NXPH1: variants seen among roughly 807,000 people sequenced by gnomAD.
The protein encoded by NXPH1 is neurexophilin-1.
A neutral mutation model predicts 23.7 loss-of-function variants in NXPH1; 5 were observed. The observed-to-expected ratio is 0.21, with a 90% CI of 0.11 to 0.44. NXPH1 has a LOEUF of 0.44. Ranked by LOEUF, NXPH1 falls within the 20% of genes least tolerant of loss-of-function variation. The pLI is 0.99. For synonymous variants in NXPH1, 144 were observed against 122.2 expected, an observed-to-expected ratio of 1.18 and a Z score of -1.18; for missense variants, 324 against 321.6, an observed-to-expected ratio of 1.01 and a Z score of -0.06.
intron 2 of NXPH1, among the ~76,000 whole-genome samples, chr7:8,670,199 T>A (rs187981159): frequency 6.6e-6 from 1 of 152,302 alleles, no homozygotes; most frequent in South Asian, 2.1e-4. Context: ...TTGTTCTGAC[T>A]TTTTATTCCT....
chr7:8,450,698 T>G (rs1000885853), intron 2 of NXPH1, among the ~76,000 whole-genome samples: 1 of 152,274 alleles, frequency 6.6e-6, no homozygotes, highest in African/African-American at 2.4e-5. Context: ...ATGTTCCATT[T>G]TGCAGCAGTA....
chr7:8,671,349 G>A lies in NXPH1; in HGVS notation c.55-79659G>A, dbSNP rs553893432. ...CTTTCTTGGACAGATAGGTTCCTGA[G>A]CATTCTAAAAACACTCTTTTTGATT... is the stretch of plus-strand genomic sequence containing the variant. On this transcript the variant is annotated intron_variant, in intron 2 of 2. Transcript: ENST00000405863. Among the ~76,000 whole-genome samples, 4 of 152,250 alleles carry A rather than the reference G, an allele frequency of 2.6e-5. No homozygotes were observed. In the South Asian group the frequency reaches 8.3e-4, roughly 32 times the overall value.
At chr7:8,608,387 G>A (rs1343963124) in intron 2 of NXPH1, among the ~76,000 whole-genome samples, 1 of 151,232 alleles carries the variant, frequency 6.6e-6, no homozygotes, top group Non-Finnish European at 1.5e-5. Flanking sequence ...CAGTGCAGTG[G>A]AGTGGTCACA....
chr7:8,663,478 T>C (rs551910147), intron 2 of NXPH1, among the ~76,000 whole-genome samples: 1 of 152,200 alleles, frequency 6.6e-6, no homozygotes, highest in African/African-American at 2.4e-5. Context: ...CTTGCGGCAT[T>C]TTCATCTAAA....
intron 2 of NXPH1, among the ~76,000 whole-genome samples, chr7:8,531,947 C>T (rs554096859): frequency 2.0e-4 from 31 of 152,256 alleles, no homozygotes; most frequent in African/African-American, 7.2e-4. Context: ...TCTGATCCTT[C>T]GTCTCCTTAG....
At chr7:8,563,851 C>G (rs1237841572) in intron 2 of NXPH1, among the ~76,000 whole-genome samples, 1 of 151,726 alleles carries the variant, frequency 6.6e-6, no homozygotes, top group Non-Finnish European at 1.5e-5. Flanking sequence ...AACCATAAAC[C>G]CTGGAGGGAG....
intron 2 of NXPH1, among the ~76,000 whole-genome samples, chr7:8,501,090 A>T (rs1354157087): frequency 6.6e-6 from 1 of 152,042 alleles, no homozygotes; most frequent in African/African-American, 2.4e-5. Flanking sequence ...TCTTCAGCAT[A>T]GTTTTGGTTT....
intron 2 of NXPH1, among the ~76,000 whole-genome samples, chr7:8,497,320 A>T (rs971233553): frequency 6.6e-6 from 1 of 152,182 alleles, no homozygotes; most frequent in Non-Finnish European, 1.5e-5. Context: ...AGCAATAAAC[A>T]TACGTGTACA....
intron 2 of NXPH1, among the ~76,000 whole-genome samples, chr7:8,629,119 G>T (rs181102740): frequency 6.6e-6 from 1 of 152,038 alleles, no homozygotes; most frequent in Non-Finnish European, 1.5e-5. Flanking sequence ...TTATGAAAAT[G>T]ATTGATATTA....
At chr7:8,692,160 A>G (rs1300288490) in intron 2 of NXPH1, among the ~76,000 whole-genome samples, 3 of 151,822 alleles carry the variant, frequency 2.0e-5, no homozygotes, top group Non-Finnish European at 2.9e-5. Flanking sequence ...GGCTTTGTAA[A>G]CCAGGATAAA....
At chr7:8,539,613 C>T (rs10952112) in intron 2 of NXPH1, among the ~76,000 whole-genome samples, 43,780 of 151,476 alleles carry the variant, frequency 0.29, 7,068 homozygotes, top group East Asian at 0.5. Flanking sequence ...TATAAAATAC[C>T]GTATTGGATG....
At chr7:8,689,448 A>C (rs1157298931) in intron 2 of NXPH1, among the ~76,000 whole-genome samples, 1 of 152,196 alleles carries the variant, frequency 6.6e-6, no homozygotes, top group Non-Finnish European at 1.5e-5. Flanking sequence ...CTACAAGGTA[A>C]TATGAAGTAT....
At position 8,642,276 on chromosome 7, in the gene NXPH1, G is replaced by A. The variant is rs116213146; in HGVS notation, c.55-108732G>A. Among the ~76,000 whole-genome samples, 380 of 152,266 alleles carry A rather than the reference G, an allele frequency of 2.5e-3. 6 individuals are homozygous for A. Among genetic ancestry groups the A allele is most frequent in the African/African-American group, 8.5e-3 (354 of 41,556 alleles). On this transcript the variant is annotated intron_variant, in intron 2 of 2. Coordinates refer to ENST00000405863, the MANE Select transcript of NXPH1 (RefSeq NM_152745.3). ...AAATTGGAAATCATTTTTCTCTAGT[G>A]ATTTTAAAGACATTGCTCTGTTGTC...
chr7:8,465,750 C>T (rs540097772), intron 2 of NXPH1, among the ~76,000 whole-genome samples: 72 of 152,342 alleles, frequency 4.7e-4, no homozygotes, highest in Admixed American at 6.5e-4. Flanking sequence ...TGCCTGCTTT[C>T]TAATTATTCC....
intron 2 of NXPH1, among the ~76,000 whole-genome samples, chr7:8,654,653 T>C (rs1209417773): frequency 6.6e-6 from 1 of 152,152 alleles, no homozygotes; most frequent in African/African-American, 2.4e-5. Flanking sequence ...GATAGTGGCC[T>C]TATCTCCTCC....
intron 2 of NXPH1, among the ~76,000 whole-genome samples, chr7:8,461,994 A>C (rs565145588): frequency 5.3e-5 from 8 of 152,182 alleles, no homozygotes; most frequent in Admixed American, 4.6e-4. Flanking sequence ...TTTCTTAAAA[A>C]CATTACTCTT....
chr7:8,687,018 G>A (rs375516474), intron 2 of NXPH1, among the ~76,000 whole-genome samples: 27 of 152,232 alleles, frequency 1.8e-4, no homozygotes, highest in African/African-American at 6.0e-4. Context: ...GTATGTCATT[G>A]TTCATATAAT....
At chr7:8,725,211 C>CATTGT (rs1172916125) in intron 2 of NXPH1, among the ~76,000 whole-genome samples, 2 of 152,182 alleles carry the variant, frequency 1.3e-5, no homozygotes, top group East Asian at 3.9e-4. Context: ...CATTGTAGGA[C>CATTGT]AGGCGCTGTG....
intron 2 of NXPH1, among the ~76,000 whole-genome samples, chr7:8,538,489 C>T (rs999312973): frequency 2.0e-5 from 3 of 151,856 alleles, no homozygotes; most frequent in Non-Finnish European, 2.9e-5. Flanking sequence ...ATCTCAGTCT[C>T]TTCATCTGTA....
Sources: allele counts gnomAD v4.1 joint callset (sites outside exome capture counted in the v4.1 genomes callset), GRCh38; gene constraint gnomAD v4.1.1; transcripts MANE v1.5; gene names NCBI Gene and HGNC (gene_info 2026-07-23, HGNC 2026-07-21).